The following CCDC7 variants were observed in gnomAD, a reference collection of about 807,000 sequenced individuals.
CCDC7 encodes the protein coiled-coil domain containing 7.
In CCDC7, 183 loss-of-function variants were observed where a neutral mutation model predicts 196.9. The observed-to-expected ratio is 0.93, with a 90% CI of 0.82 to 1.05. CCDC7 has a LOEUF of 1.05. CCDC7 is among the 50% of genes least tolerant of loss of function. CCDC7 has a pLI of 0.00. For synonymous variants in CCDC7, 525 were observed against 484.6 expected (o/e 1.08, Z -1.10); for missense variants, 1,540 against 1,482.2 (o/e 1.04, Z -0.64).
chr10:32,596,901 A>C (rs1434725385), intron 18 of CCDC7, among the ~76,000 whole-genome samples: 1 of 152,156 alleles, frequency 6.6e-6, no homozygotes, highest in Non-Finnish European at 1.5e-5. Context: ...ATCTGCTGTT[A>C]GTCTGATGGG....
intron 18 of CCDC7, among the ~76,000 whole-genome samples, chr10:32,586,910 C>G (rs879196962): frequency 6.6e-6 from 1 of 152,248 alleles, no homozygotes; most frequent in Admixed American, 6.5e-5. Context: ...CAACACTCTT[C>G]TATTTTGTTT....
intron 24 of CCDC7, among the ~76,000 whole-genome samples, chr10:32,708,157 A>T (rs1405567966): frequency 1.3e-5 from 2 of 151,424 alleles, no homozygotes; most frequent in Non-Finnish European, 2.9e-5. Context: ...GAGCCCTCAG[A>T]AATAATACCA....
chr10:32,584,197 A>C, intron 17 of CCDC7, 35 bp from the exon 19 acceptor site: 1 of 1,230,132 alleles, frequency 8.1e-7, no homozygotes, highest in Non-Finnish European at 1.1e-6. Context: ...TATGTATATA[A>C]TTTCTAATTA....
intron 39 of CCDC7, 78 bp from the exon 41 acceptor site, chr10:32,851,729 A>AT: frequency 7.5e-7 from 1 of 1,340,548 alleles, no homozygotes; most frequent in East Asian, 2.3e-5. Flanking sequence ...TGTTGTGTGC[A>AT]TATATACTGT....
chr10:32,505,275 G>C (rs1455193479), intron 9 of CCDC7, among the ~76,000 whole-genome samples: 1 of 151,894 alleles, frequency 6.6e-6, no homozygotes, highest in Non-Finnish European at 1.5e-5. Context: ...TGGAGAGAAG[G>C]TCACCAGATA....
intron 18 of CCDC7, among the ~76,000 whole-genome samples, chr10:32,632,710 G>C (rs2065046338): frequency 6.6e-6 from 1 of 151,998 alleles, no homozygotes; most frequent in South Asian, 2.1e-4. Flanking sequence ...GGTCATTTAG[G>C]AGTGTGTTGT....
chr10:32,775,678 C>T (rs1037215703), intron 28 of CCDC7, among the ~76,000 whole-genome samples: 5 of 152,090 alleles, frequency 3.3e-5, no homozygotes, highest in Non-Finnish European at 7.4e-5. Context: ...AAATTGCACC[C>T]ATATATTAGA....
intron 25 of CCDC7, among the ~76,000 whole-genome samples, chr10:32,718,356 A>G (rs964893422): frequency 6.6e-6 from 1 of 152,186 alleles, no homozygotes; most frequent in African/African-American, 2.4e-5. Context: ...TAAACTAGGT[A>G]ATGATGGGAT....
chr10:32,515,248 G>A (rs1226860986), intron 9 of CCDC7, among the ~76,000 whole-genome samples: 1 of 152,204 alleles, frequency 6.6e-6, no homozygotes, highest in African/African-American at 2.4e-5. Context: ...ATGTGGAAGT[G>A]CAAGGAAGCT....
At chr10:32,716,849 T>C (rs560993901) in intron 25 of CCDC7, among the ~76,000 whole-genome samples, 1 of 152,322 alleles carries the variant, frequency 6.6e-6, no homozygotes, top group South Asian at 2.1e-4. Flanking sequence ...AAGAGCTAAC[T>C]ATCCTAAATA....
At chr10:32,657,415 C>T (rs759869503) in intron 20 of CCDC7, among the ~76,000 whole-genome samples, 1 of 152,234 alleles carries the variant, frequency 6.6e-6, no homozygotes, top group Admixed American at 6.5e-5. Context: ...GGCAGAAGTT[C>T]CCAAATCTCA....
chr10:32,589,275 G>T (rs2370792), intron 18 of CCDC7, among the ~76,000 whole-genome samples: 140,465 of 152,190 alleles, frequency 0.92, 65,826 homozygotes, highest in East Asian at 1. Flanking sequence ...CTGGCTTATT[G>T]CACTTAACAT....
At chr10:32,862,027 A>T (rs1189370652) in intron 41 of CCDC7, among the ~76,000 whole-genome samples, 1 of 152,220 alleles carries the variant, frequency 6.6e-6, no homozygotes, top group Non-Finnish European at 1.5e-5. Context: ...AAGAATCTAG[A>T]ACTATAAATA....
At chr10:32,534,506 T>C (rs1185911585) in intron 11 of CCDC7, among the ~76,000 whole-genome samples, 2 of 152,112 alleles carry the variant, frequency 1.3e-5, no homozygotes, top group African/African-American at 4.8e-5. Flanking sequence ...AATTACTTAT[T>C]TATTCCCATT....
At chr10:32,780,964 A>G (rs1161057891) in intron 29 of CCDC7, among the ~76,000 whole-genome samples, 4 of 152,154 alleles carry the variant, frequency 2.6e-5, no homozygotes, top group Non-Finnish European at 5.9e-5. Flanking sequence ...GCTAAAAATC[A>G]AAACAGAAAG....
intron 11 of CCDC7, among the ~76,000 whole-genome samples, chr10:32,534,465 G>A (rs1052700399): frequency 1.3e-5 from 2 of 152,080 alleles, no homozygotes; most frequent in Admixed American, 6.5e-5. Flanking sequence ...GTTGTTTCTT[G>A]TGGGTATATG....
chr10:32,736,711 C>G (rs970169189), intron 28 of CCDC7, among the ~76,000 whole-genome samples: 11 of 152,010 alleles, frequency 7.2e-5, no homozygotes, highest in African/African-American at 2.7e-4. Context: ...TTTGAAATAT[C>G]ACTTGTTCTT....
intron 5 of CCDC7, among the ~76,000 whole-genome samples, chr10:32,468,732 G>A (rs966738670): frequency 2.8e-5 from 4 of 142,288 alleles, no homozygotes; most frequent in Admixed American, 7.7e-5. Flanking sequence ...TACTGGATTA[G>A]ATTTCTTTTG....
chr10:32,694,435 C>T (rs934236706), intron 23 of CCDC7, among the ~76,000 whole-genome samples: 1 of 152,206 alleles, frequency 6.6e-6, no homozygotes, highest in East Asian at 1.9e-4. Context: ...CTTAAGGTCA[C>T]AGTTTCCAAG....
Sources: allele counts gnomAD v4.1 joint callset (sites outside exome capture counted in the v4.1 genomes callset), GRCh38; gene constraint gnomAD v4.1.1; transcripts MANE v1.5; gene names NCBI Gene and HGNC (gene_info 2026-07-23, HGNC 2026-07-21).